Variants in CDC20B observed in about 807,000 individuals in gnomAD.
CDC20B encodes the protein cell division cycle protein 20 homolog B.
In CDC20B, 58 loss-of-function variants were observed where a neutral mutation model predicts 64.1. That is an observed-to-expected ratio of 0.90 (90% CI 0.73 to 1.13). The LOEUF is 1.13. Among genes scored for constraint, CDC20B ranks in the 50% most tolerant of loss-of-function variants. The probability of loss-of-function intolerance (pLI) is 0.00; values close to 1 mark genes in which losing one functional copy is unlikely to be tolerated. For missense variants in CDC20B, 597 were observed against 633.0 expected (o/e 0.94, Z 0.61); for synonymous variants, 243 against 230.6 (o/e 1.05, Z -0.49).
chr5:55,117,226 G>C (rs888584599), intron 11 of CDC20B, among the ~76,000 whole-genome samples: 1 of 152,088 alleles, frequency 6.6e-6, no homozygotes, highest in Non-Finnish European at 1.5e-5. Context: ...TCTGTAGTCA[G>C]GTGGGTGAGG....
intron 2 of CDC20B, among the ~76,000 whole-genome samples, chr5:55,151,570 A>G (rs1280263574): frequency 6.6e-6 from 1 of 152,246 alleles, no homozygotes; most frequent in Non-Finnish European, 1.5e-5. Context: ...AAGAATAATA[A>G]TTGGATGCTA....
At chr5:55,123,107 C>T (rs1336739536) in intron 9 of CDC20B, among the ~76,000 whole-genome samples, 1 of 152,186 alleles carries the variant, frequency 6.6e-6, no homozygotes, top group African/African-American at 2.4e-5. Flanking sequence ...ATCAGCCTAC[C>T]TACACTCAAA....
intron 2 of CDC20B, chr5:55,165,305 T>C (rs1744323841): frequency 6.6e-6 from 1 of 152,178 alleles, no homozygotes; most frequent in Admixed American, 6.5e-5. Context: ...AGCCTTATAA[T>C]TGACTAACAA....
intron 2 of CDC20B, among the ~76,000 whole-genome samples, chr5:55,172,064 C>T (rs1227844561): frequency 6.6e-6 from 1 of 152,186 alleles, no homozygotes; most frequent in African/African-American, 2.4e-5. Flanking sequence ...CTTTATGAAA[C>T]ACGTTTATAA....
intron 2 of CDC20B, among the ~76,000 whole-genome samples, chr5:55,157,134 C>T (rs1743834738): frequency 6.6e-6 from 1 of 152,178 alleles, no homozygotes. Context: ...AATCTCTTCT[C>T]CTCCTATAGA....
intron 8 of CDC20B, among the ~76,000 whole-genome samples, 161 bp from the exon 9 acceptor site, chr5:55,125,189 C>T (rs1476731863): frequency 1.3e-5 from 2 of 152,130 alleles, no homozygotes; most frequent in Non-Finnish European, 2.9e-5. Context: ...AGTGTTCTGC[C>T]TGGAGGATTC....
intron 3 of CDC20B, among the ~76,000 whole-genome samples, chr5:55,144,191 C>G (rs336074): frequency 1.3e-5 from 2 of 151,982 alleles, no homozygotes; most frequent in African/African-American, 4.8e-5. Context: ...CCTCTCTCCC[C>G]CTTTCTATTG....
At chr5:55,157,038 G>T (rs1414193037) in intron 2 of CDC20B, among the ~76,000 whole-genome samples, 3 of 152,078 alleles carry the variant, frequency 2.0e-5, no homozygotes, top group Non-Finnish European at 4.4e-5. Flanking sequence ...ATCCTTTCCA[G>T]TGCTTGAGTT....
At chr5:55,172,522 T>G in intron 2 of CDC20B, 66 bp downstream of exon 2, 1 of 1,261,650 alleles carries the variant, frequency 7.9e-7, no homozygotes, top group Non-Finnish European at 1.2e-6. Flanking sequence ...AATACATTAT[T>G]TACCAAGAAT....
intron 3 of CDC20B, among the ~76,000 whole-genome samples, chr5:55,143,994 G>GAA (rs3068520): frequency 7.3e-5 from 10 of 136,970 alleles, no homozygotes; most frequent in Non-Finnish European, 6.4e-5. Context: ...TCTCTGTATG[G>GAA]AAAAAAAAAA....
At chr5:55,119,997 ATGCAC>A in intron 10 of CDC20B, 79 bp from the exon 11 acceptor site, 1 of 1,045,286 alleles carries the variant, frequency 9.6e-7, no homozygotes, top group South Asian at 1.3e-5. Flanking sequence ...TACAGGCAGT[ATGCAC>A]TGTCCATGAC....
intron 2 of CDC20B, chr5:55,165,257 C>T (rs562136263): frequency 2.0e-5 from 3 of 152,048 alleles, no homozygotes; most frequent in Non-Finnish European, 4.4e-5. Flanking sequence ...AGTCACAAGG[C>T]ATTTCTTCTC....
intron 2 of CDC20B, among the ~76,000 whole-genome samples, chr5:55,169,119 A>G (rs1744507526): frequency 6.6e-6 from 1 of 152,174 alleles, no homozygotes; most frequent in African/African-American, 2.4e-5. Context: ...ATTTAACCTT[A>G]AAAAAAGACA....
In CDC20B at chr5:55,114,181, C is replaced by T. The variant is rs1259676227; in HGVS notation, c.*37G>A. ...CATAGCCAACATCATCATCTTCACTCAGAAATAAGGAAACTGAAACCTAGA... is the reference window on the plus strand; with the variant it reads ...CATAGCCAACATCATCATCTTCACTTAGAAATAAGGAAACTGAAACCTAGA... On this transcript the variant is annotated 3_prime_UTR_variant, in exon 12 of 12. Transcript: ENST00000381375. This position sits in a 1 kb window ranked among gnomAD's most constrained non-coding sequence, Gnocchi z 4.1. 1.3e-6 allele frequency: 2 copies of T among 1,596,462 alleles called. No homozygotes were observed. Among genetic ancestry groups the T allele is most frequent in the Admixed American group, 3.6e-5 (2 of 56,270 alleles).
chr5:55,122,513 CCTT>C (rs1034844943), intron 9 of CDC20B, among the ~76,000 whole-genome samples: 2 of 152,142 alleles, frequency 1.3e-5, no homozygotes, highest in African/African-American at 4.8e-5. Context: ...TCCAACAAGT[CCTT>C]CTGAGCCTCG....
At chr5:55,160,898 A>T (rs1040680285) in intron 2 of CDC20B, 2 of 1,258,700 alleles carry the variant, frequency 1.6e-6, no homozygotes, top group African/African-American at 3.1e-5. Flanking sequence ...CAGAGGTTAT[A>T]GTCCCCCCCA....
intron 6 of CDC20B, among the ~76,000 whole-genome samples, chr5:55,131,604 G>C (rs1429039791): frequency 6.6e-6 from 1 of 152,172 alleles, no homozygotes; most frequent in African/African-American, 2.4e-5. Flanking sequence ...AGTAACTGTT[G>C]GCTATAACAA....
At chr5:55,116,478 TC>T (rs57826543) in intron 11 of CDC20B, among the ~76,000 whole-genome samples, 6,614 of 152,270 alleles carry the variant, frequency 0.043, 514 homozygotes, top group African/African-American at 0.15. Context: ...AGACAGGGTC[TC>T]ACTCTGTCAC....
rs1407135240 is a variant in CDC20B at position 55,127,622 on chromosome 5, CCAAGGG to C, written c.895-277_895-272del. Among the ~76,000 whole-genome samples the C allele has an allele frequency of 3.3e-5, 5 of 152,050 alleles. No homozygotes were observed. The South Asian group carries it at 8.3e-4, about 25-fold the overall frequency. On this transcript the variant is annotated intron_variant, in intron 7 of 11. Coordinates refer to ENST00000381375, the MANE Select transcript of CDC20B (RefSeq NM_001170402.1). ...CTCCCCAGGTGAATTCAATGTGCAGCCAAGGGTTGAGAATTATTACCACATTTCTAG... is the reference window on the plus strand; with the variant it reads ...CTCCCCAGGTGAATTCAATGTGCAGCTTGAGAATTATTACCACATTTCTAG...
Sources: gnomAD v4.1 joint callset for allele counts (sites outside exome capture counted in the v4.1 genomes callset) on GRCh38, gnomAD v4.1.1 for gene constraint, Gnocchi (gnomAD v3.1) non-coding constraint, MANE v1.5 for transcripts, NCBI Gene and HGNC (gene_info 2026-07-23, HGNC 2026-07-21) for gene names.